Variants in LAMA2 observed in about 807,000 individuals in gnomAD.
LAMA2 encodes laminin subunit alpha-2.
In LAMA2, 269 loss-of-function variants were observed where a neutral mutation model predicts 364.8. The observed-to-expected ratio is 0.74, with a 90% CI of 0.67 to 0.82. LAMA2 has a LOEUF of 0.82. LAMA2 is among the 40% of genes least tolerant of loss of function. The pLI is 0.00. For synonymous variants in LAMA2, 1,379 were observed against 1,370.6 expected, an observed-to-expected ratio of 1.01 and a Z score of -0.14; for missense variants, 3,807 against 3,873.2, an observed-to-expected ratio of 0.98 and a Z score of 0.45.
chr6:128,984,994 C>T lies in LAMA2; in HGVS notation c.113-64924C>T, dbSNP rs563795877. On this transcript the variant is annotated intron_variant, in intron 1 of 64. Coordinates refer to ENST00000421865, the MANE Select transcript of LAMA2 (RefSeq NM_000426.4). The stretch of plus-strand genomic sequence containing the variant: ...TTAGTTACTTGGTATGTCTAAGATA[C>T]GTTATTTTTATTATACAAAGACTGT... Among the ~76,000 whole-genome samples, 17 of 152,186 alleles carry T rather than the reference C, an allele frequency of 1.1e-4. No homozygotes were observed. In the East Asian group the frequency reaches 1.4e-3, roughly 12 times the overall value.
At chr6:129,274,095 A>G (rs1788126759) in intron 17 of LAMA2, among the ~76,000 whole-genome samples, 1 of 151,854 alleles carries the variant, frequency 6.6e-6, no homozygotes, top group Non-Finnish European at 1.5e-5. Flanking sequence ...TAAATCCTAG[A>G]AGTTTTGTGA....
intron 3 of LAMA2, among the ~76,000 whole-genome samples, chr6:129,069,666 T>A (rs1773175546): frequency 6.7e-6 from 1 of 148,532 alleles, no homozygotes; most frequent in South Asian, 2.1e-4. Flanking sequence ...ATTTCTTATT[T>A]TTGATTATAT....
chr6:128,984,565 A>G (rs79582782), intron 1 of LAMA2, among the ~76,000 whole-genome samples: 1 of 152,242 alleles, frequency 6.6e-6, no homozygotes, highest in African/African-American at 2.4e-5. Flanking sequence ...TGTCTTACCA[A>G]TTTTGCAGAA....
intron 29 of LAMA2, among the ~76,000 whole-genome samples, chr6:129,337,549 A>G (rs941987014): frequency 6.6e-6 from 1 of 152,046 alleles, no homozygotes; most frequent in Non-Finnish European, 1.5e-5. Flanking sequence ...ATGCAAGACG[A>G]AAAAAGCTGT....
chr6:129,380,208 T>C (rs984581057), intron 34 of LAMA2, among the ~76,000 whole-genome samples: 2 of 152,194 alleles, frequency 1.3e-5, no homozygotes, highest in African/African-American at 2.4e-5. Flanking sequence ...TCTCGAAAGC[T>C]GGATTTGTTT....
chr6:129,369,837 A>G (rs534733968), intron 33 of LAMA2, 55 bp from the exon 34 acceptor site: 245 of 1,409,800 alleles, frequency 1.7e-4, no homozygotes, highest in Admixed American at 1.2e-3. Flanking sequence ...TCTGTCGAAC[A>G]CTATCACTGC....
At chr6:129,078,486 A>T (rs897415646) in intron 3 of LAMA2, among the ~76,000 whole-genome samples, 4 of 152,046 alleles carry the variant, frequency 2.6e-5, no homozygotes, top group African/African-American at 9.7e-5. Flanking sequence ...AATTCTCCCT[A>T]AAAAATAAAA....
At chr6:129,269,159 C>G (rs964322199) in intron 16 of LAMA2, among the ~76,000 whole-genome samples, 3 of 152,024 alleles carry the variant, frequency 2.0e-5, no homozygotes, top group Non-Finnish European at 2.9e-5. Context: ...TAAACTTCTG[C>G]AATAGTGTAG....
At chr6:129,279,957 T>C in intron 17 of LAMA2, 104 bp from the exon 18 acceptor site, 2 of 791,524 alleles carry the variant, frequency 2.5e-6, no homozygotes, top group East Asian at 2.5e-5. Context: ...CAGCCTGTAC[T>C]CTTTTGTCAG....
chr6:128,968,004 C>T (rs540259727), intron 1 of LAMA2, among the ~76,000 whole-genome samples: 2 of 152,236 alleles, frequency 1.3e-5, no homozygotes, highest in Non-Finnish European at 2.9e-5. Flanking sequence ...CAATTTTGCT[C>T]TCTAAAAATT....
At chr6:129,080,829 G>A (rs1274255392) in intron 3 of LAMA2, among the ~76,000 whole-genome samples, 4 of 152,208 alleles carry the variant, frequency 2.6e-5, no homozygotes, top group Non-Finnish European at 5.9e-5. Context: ...GTGGAAGACA[G>A]TGTGGCGATT....
chr6:129,464,967 A>T (rs988647339), intron 50 of LAMA2, among the ~76,000 whole-genome samples, 178 bp from the exon 51 acceptor site: 2 of 152,034 alleles, frequency 1.3e-5, no homozygotes, highest in Non-Finnish European at 2.9e-5. Context: ...ATAATATCAC[A>T]GCCACAAAAA....
At chr6:129,435,858 A>T (rs1303299559) in intron 41 of LAMA2, among the ~76,000 whole-genome samples, 1 of 152,120 alleles carries the variant, frequency 6.6e-6, no homozygotes, top group Non-Finnish European at 1.5e-5. Context: ...GATGCAGGCC[A>T]ACAAAGATGA....
At chr6:129,395,528 C>T (rs1348155006) in intron 37 of LAMA2, among the ~76,000 whole-genome samples, 1 of 152,128 alleles carries the variant, frequency 6.6e-6, no homozygotes, top group Non-Finnish European at 1.5e-5. Flanking sequence ...GAATGGGGCC[C>T]AGAAATCCGT....
At chr6:129,322,705 T>G (rs1775043884) in intron 28 of LAMA2, among the ~76,000 whole-genome samples, 1 of 152,200 alleles carries the variant, frequency 6.6e-6, no homozygotes, top group Non-Finnish European at 1.5e-5. Context: ...TTTTCTGCAT[T>G]TATTTGAAAT....
intron 61 of LAMA2, 136 bp downstream of exon 61, chr6:129,505,491 A>G: frequency 2.8e-6 from 2 of 720,072 alleles, no homozygotes; most frequent in Non-Finnish European, 4.9e-6. Context: ...TAAGGGACAG[A>G]AGGGTTTGTT....
intron 1 of LAMA2, among the ~76,000 whole-genome samples, chr6:128,918,499 G>T (rs1348314696): frequency 2.0e-5 from 3 of 152,158 alleles, no homozygotes; most frequent in Admixed American, 1.3e-4. Context: ...AGATTTATTA[G>T]GTGTTAAACT....
chr6:129,251,977 A>G (rs1786285441), intron 13 of LAMA2, 107 bp from the exon 14 acceptor site: 1 of 676,876 alleles, frequency 1.5e-6, no homozygotes, highest in African/African-American at 1.8e-5. Flanking sequence ...AAATTTTTAA[A>G]GTTAAAAGTC....
At position 128,901,217 on chromosome 6, in the gene LAMA2, T is replaced by G. The variant is rs74669371; in HGVS notation, c.112+17860T>G. Among the ~76,000 whole-genome samples the G allele has an allele frequency of 3.3e-3, 501 of 152,312 alleles. 1 individual carries two copies. Among genetic ancestry groups the G allele is most frequent in the African/African-American group, 0.011 (473 of 41,568 alleles). ...CAAAACAAAAACATGTTATAGACTA[T>G]CTATAGATTCAATTTTCAAAAATCC... On this transcript the variant is annotated intron_variant, in intron 1 of 64. Coordinates refer to ENST00000421865, the MANE Select transcript of LAMA2 (RefSeq NM_000426.4).
Sources: gnomAD v4.1 joint callset for allele counts (sites outside exome capture counted in the v4.1 genomes callset) on GRCh38, gnomAD v4.1.1 for gene constraint, MANE v1.5 for transcripts, NCBI Gene and HGNC (gene_info 2026-07-23, HGNC 2026-07-21) for gene names.